HLTF: variants seen among roughly 807,000 people sequenced by gnomAD.
The protein encoded by HLTF is helicase like transcription factor.
Under a neutral mutation model 129.4 loss-of-function variants are expected in HLTF, and 127 were observed. The observed-to-expected ratio is 0.98, with a 90% CI of 0.85 to 1.14. The LOEUF is 1.14. HLTF is among the 50% of genes most tolerant of loss of function. The probability of loss-of-function intolerance (pLI) is 0.00; values close to 1 mark genes in which losing one functional copy is unlikely to be tolerated. For missense variants in HLTF, 1,139 were observed against 1,187.1 expected, an observed-to-expected ratio of 0.96 and a Z score of 0.60; for synonymous variants, 332 against 388.8, an observed-to-expected ratio of 0.85 and a Z score of 1.72.
chr3:149,077,272 A>ATT (rs1719453647), intron 2 of HLTF, among the ~76,000 whole-genome samples: 1 of 149,496 alleles, frequency 6.7e-6, no homozygotes, highest in Non-Finnish European at 1.5e-5. Context: ...ATAAATAAAT[A>ATT]AATAAATAAA....
In HLTF at chr3:149,039,606, G is replaced by C; in HGVS notation, c.2590C>G (p.Leu864Val). 1 of 1,573,302 alleles carries C rather than the reference G, an allele frequency of 6.4e-7. No homozygotes were observed. The highest frequency in any genetic ancestry group is 8.7e-7 in the Non-Finnish European group (1 of 1,149,638). ...SLVVSQFTTF[L>V]SLIEIPLKAS... ...TTAAGTGGTATTTCTATTAAAGACA[G>C]GAATGTTGTAAACTGAGAAACAACC... The change falls in exon 22 of 25, where the codon CTG (leucine) becomes GTG (valine). Residue 864 changes from leucine (L) to valine (V), a missense_variant. Physicochemically the swap from Leu to Val is conservative, Grantham distance 32. Coordinates refer to ENST00000310053, the MANE Select transcript of HLTF (RefSeq NM_003071.4).
rs1289601341 is a variant in HLTF, at chr3:149,086,452, G to T, written c.-116C>A. The T allele has an allele frequency of 8.1e-7, 1 of 1,236,416 alleles. No individual in the cohort carries two copies. Among genetic ancestry groups the T allele is most frequent in the Non-Finnish European group, 1.1e-6 (1 of 870,672 alleles). The allele number at this position is 1,236,416 out of a possible 1,614,324, so 76.6% of individuals were successfully genotyped here. A position where few individuals can be genotyped will look rare whatever the true frequency, so the allele number is the denominator to read the frequency against. ...CTGAAGCCGGGGACAAATTCCGAGCGCCGGATCAGGAGCGCACGACTGAAA... is the reference window on the plus strand; with the variant it reads ...CTGAAGCCGGGGACAAATTCCGAGCTCCGGATCAGGAGCGCACGACTGAAA... On this transcript the variant is annotated 5_prime_UTR_variant, in exon 1 of 25. Transcript: ENST00000310053.
intron 8 of HLTF, among the ~76,000 whole-genome samples, chr3:149,067,705 T>TA (rs971597762): frequency 2.4e-4 from 36 of 151,350 alleles, no homozygotes; most frequent in Non-Finnish European, 3.8e-4. Context: ...ATAATAATAA[T>TA]AAAAAAAAAC....
chr3:149,076,709 T>C (rs1719387689), intron 2 of HLTF, among the ~76,000 whole-genome samples: 1 of 152,200 alleles, frequency 6.6e-6, no homozygotes, highest in South Asian at 2.1e-4. Context: ...AACTTAAATA[T>C]TATGATGTAT....
In HLTF at chr3:149,070,672, C is replaced by T. The variant is rs568543912; in HGVS notation, c.894+580G>A. The stretch of plus-strand genomic sequence containing the variant: ...ATATTTGTGATGGAATACAATTTCA[C>T]ATAACATTGTTTTGTCTTTACTTTT... On this transcript the variant is annotated intron_variant, in intron 7 of 24. Coordinates refer to ENST00000310053, the MANE Select transcript of HLTF (RefSeq NM_003071.4). Among the ~76,000 whole-genome samples, 4 of 152,304 alleles carry T rather than the reference C, an allele frequency of 2.6e-5. No homozygotes were observed. In the South Asian group the frequency reaches 8.3e-4, roughly 32 times the overall value.
At chr3:149,041,699 A>C in intron 19 of HLTF, 31 bp from the exon 20 acceptor site, 1 of 1,501,172 alleles carries the variant, frequency 6.7e-7, no homozygotes, top group Non-Finnish European at 9.2e-7. Flanking sequence ...TTAATTTCAG[A>C]GCAAGGTTTG....
chr3:149,085,240 C>T (rs748978305), intron 1 of HLTF, among the ~76,000 whole-genome samples: 2 of 152,196 alleles, frequency 1.3e-5, no homozygotes, highest in Non-Finnish European at 2.9e-5. Context: ...CCTGGAATCC[C>T]AGCACTTTGG....
Position 149,081,376 on chromosome 3 carries a change from C to T in HLTF, c.228+3306G>A, listed in dbSNP as rs1576629659. On this transcript the variant is annotated intron_variant, in intron 2 of 24. Coordinates refer to ENST00000310053, the MANE Select transcript of HLTF (RefSeq NM_003071.4). ...CGTGGTGGCTAAAGGCAACGCAATA[C>T]TTAACACGTTTAAAGATTAAAAGAT... 2.0e-5 allele frequency among the ~76,000 whole-genome samples: 3 copies of T among 151,512 alleles called. No homozygotes were observed. In the South Asian group the frequency reaches 6.2e-4, roughly 31 times the overall value.
rs903721839 is a variant in HLTF at position 149,064,659 on chromosome 3, A to C, written c.1066+132T>G. The C allele has an allele frequency of 1.4e-5, 8 of 577,912 alleles. No homozygotes were observed. The African/African-American group carries it at 1.5e-4, about 11-fold the overall frequency. 35.8% of individuals were successfully genotyped at this position (577,912 alleles called of 1,614,324 possible). A position where few individuals can be genotyped will look rare whatever the true frequency, so the allele number is the denominator to read the frequency against. On this transcript the variant is annotated intron_variant, in intron 9 of 24. Transcript: ENST00000310053. ...AAGACCTTTTAAAAAAGAGATCCTA[A>C]ATTTTTGTACAGTACAAAGCCAAAA... is the stretch of plus-strand genomic sequence containing the variant.
At chr3:149,059,506 T>A in intron 13 of HLTF, 1 of 515,118 alleles carries the variant, frequency 1.9e-6, no homozygotes, top group Admixed American at 3.4e-5. Context: ...CATCACATTT[T>A]GGCCCTAACT....
At chr3:149,085,004 G>C in intron 1 of HLTF, 115 bp from the exon 2 acceptor site, 1 of 725,936 alleles carries the variant, frequency 1.4e-6, no homozygotes, top group Admixed American at 2.7e-5. Flanking sequence ...TGGGAATCAC[G>C]GTAAAGATTA....
chr3:149,032,057 G>T lies in HLTF; in HGVS notation c.*163C>A, dbSNP rs1715104767. 1.3e-5 allele frequency: 6 copies of T among 466,690 alleles called. No homozygotes were observed. In the South Asian group the frequency reaches 2.9e-4, roughly 22 times the overall value. 28.9% of individuals were successfully genotyped at this position (466,690 alleles called of 1,614,324 possible). On this transcript the variant is annotated 3_prime_UTR_variant, in exon 25 of 25. Coordinates refer to ENST00000310053, the MANE Select transcript of HLTF (RefSeq NM_003071.4). ...CTATTTGAAGTTTCATTAAAAATAG[G>T]TTCATATATAGAAGAAATTGTGTCA...
intron 23 of HLTF, among the ~76,000 whole-genome samples, chr3:149,036,151 CAAAA>C (rs1359497950): frequency 6.6e-6 from 1 of 150,970 alleles, no homozygotes; most frequent in African/African-American, 2.4e-5. Flanking sequence ...AAACAAAAAA[CAAAA>C]AACACAACAA....
chr3:149,063,205 GC>G, intron 10 of HLTF: 1 of 441,630 alleles, frequency 2.3e-6, no homozygotes, highest in Non-Finnish European at 4.3e-6. Flanking sequence ...GACTACAGGC[GC>G]CCACGACCAC....
intron 14 of HLTF, among the ~76,000 whole-genome samples, chr3:149,054,235 A>T (rs1717237125): frequency 6.6e-6 from 1 of 152,170 alleles, no homozygotes; most frequent in Admixed American, 6.5e-5. Context: ...ACAAAGTAGA[A>T]ATTAACCTCC....
At chr3:149,085,229 G>A (rs540777855) in intron 1 of HLTF, among the ~76,000 whole-genome samples, 5 of 152,328 alleles carry the variant, frequency 3.3e-5, no homozygotes, top group African/African-American at 1.2e-4. Flanking sequence ...GGTGGCTCAC[G>A]CCTGGAATCC....
At chr3:149,044,837 G>T (rs946025678) in intron 18 of HLTF, among the ~76,000 whole-genome samples, 1 of 152,032 alleles carries the variant, frequency 6.6e-6, no homozygotes, top group African/African-American at 2.4e-5. Context: ...CAATTTAACA[G>T]AATCTAATCA....
At chr3:149,078,542 C>A (rs1465238118) in intron 2 of HLTF, among the ~76,000 whole-genome samples, 1 of 148,116 alleles carries the variant, frequency 6.8e-6, no homozygotes, top group Non-Finnish European at 1.5e-5. Flanking sequence ...AGAGCAAGAA[C>A]CTATCTCTAA....
rs776468657 is a variant in HLTF at position 149,055,307 on chromosome 3, C to T, written c.1469G>A (p.Trp490Ter). ...TTAAAGGGCTTAAAGACTTACAATCCAGTTGCTTAACACAGAAAGCGGACA... is the reference window on the plus strand; with the variant it reads ...TTAAAGGGCTTAAAGACTTACAATCTAGTTGCTTAACACAGAAAGCGGACA... ...IICPLSVLSN[W>*]IDQFGQHIKS... Residue 490 changes from tryptophan (W) to a stop codon, truncating the protein, a stop_gained, in exon 14 of 25, where the codon TGG (tryptophan) becomes TAG (stop). Coordinates refer to ENST00000310053, the MANE Select transcript of HLTF (RefSeq NM_003071.4). LOFTEE classifies it high-confidence loss of function. The T allele has an allele frequency of 6.2e-7, 1 of 1,607,444 alleles. No individual in the cohort carries two copies.
Sources: gnomAD v4.1 joint callset for allele counts (sites outside exome capture counted in the v4.1 genomes callset) on GRCh38, gnomAD v4.1.1 for gene constraint, MANE v1.5 for transcripts, NCBI Gene and HGNC (gene_info 2026-07-23, HGNC 2026-07-21) for gene names.